Variants in MED13L observed in about 807,000 individuals in gnomAD.
MED13L encodes mediator of RNA polymerase II transcription subunit 13-like.
In MED13L, 7 loss-of-function variants were observed where a neutral mutation model predicts 220.9. That is an observed-to-expected ratio of 0.03 (90% confidence interval 0.02 to 0.06). MED13L has a LOEUF of 0.06. Ranked by LOEUF, MED13L falls within the 10% of genes least tolerant of loss-of-function variation. MED13L has a pLI of 1.00. For missense variants in MED13L, 1,965 were observed against 2,760.5 expected (o/e 0.71, Z 6.46); for synonymous variants, 1,011 against 1,015.2 (o/e 1.00, Z 0.08).
chr12:116,009,095 G>T lies in MED13L; in HGVS notation c.1318C>A (p.Arg440=). 2 of 1,614,072 alleles carry T rather than the reference G, an allele frequency of 1.2e-6. No individual in the cohort carries two copies. The highest frequency in any genetic ancestry group is 1.3e-5 in the African/African-American group (1 of 75,016). ...CCTGGTTGAGATACTGTGGGAGGTC[G>T]ATTGGGCCCGACTGCACAACGTTTT... ...LLKRCAVGPN[R]PPTVSQPGFS... Residue 440 remains arginine, a synonymous_variant, in exon 10 of 31, where the codon CGA becomes AGA. Transcript: ENST00000281928.
At chr12:116,111,316 A>G in intron 3 of MED13L, 112 bp downstream of exon 3, 1 of 819,938 alleles carries the variant, frequency 1.2e-6, no homozygotes, top group Non-Finnish European at 2.1e-6. Flanking sequence ...TAATTTTCAT[A>G]CTAGCAATAA....
At chr12:116,117,793 T>C (rs1287736040) in intron 2 of MED13L, among the ~76,000 whole-genome samples, 1 of 152,092 alleles carries the variant, frequency 6.6e-6, no homozygotes, top group Non-Finnish European at 1.5e-5. Context: ...TGTAACAAAA[T>C]ATAAACATCT....
intron 1 of MED13L, among the ~76,000 whole-genome samples, chr12:116,247,863 T>G (rs1871219432): frequency 6.6e-6 from 1 of 152,176 alleles, no homozygotes; most frequent in East Asian, 1.9e-4. Flanking sequence ...GACAATAAGT[T>G]TACTACAATT....
intron 4 of MED13L, among the ~76,000 whole-genome samples, chr12:116,028,596 A>G (rs1012233546): frequency 6.6e-6 from 1 of 152,154 alleles, no homozygotes; most frequent in Non-Finnish European, 1.5e-5. Flanking sequence ...CAACATCAAC[A>G]TAAATCAGAC....
chr12:116,004,404 T>G (rs933159909), intron 13 of MED13L, among the ~76,000 whole-genome samples: 2 of 152,118 alleles, frequency 1.3e-5, no homozygotes, highest in African/African-American at 4.8e-5. Context: ...GGCCACTGTA[T>G]AAATTCAGAT....
intron 7 of MED13L, among the ~76,000 whole-genome samples, chr12:116,016,400 T>A (rs771891071): frequency 2.0e-5 from 3 of 152,194 alleles, no homozygotes; most frequent in Non-Finnish European, 4.4e-5. Flanking sequence ...AAATTTGAAC[T>A]TTGCTACATT....
intron 2 of MED13L, among the ~76,000 whole-genome samples, chr12:116,112,991 TA>T (rs1593058523): frequency 6.6e-6 from 1 of 152,258 alleles, no homozygotes; most frequent in East Asian, 1.9e-4. Context: ...ACATCATTCC[TA>T]TCACTTACAA....
intron 23 of MED13L, among the ~76,000 whole-genome samples, chr12:115,978,645 A>G (rs1877121748): frequency 6.6e-6 from 1 of 152,182 alleles, no homozygotes; most frequent in Admixed American, 6.5e-5. Flanking sequence ...AAAATTTTTA[A>G]AAAGAATTTC....
intron 23 of MED13L, among the ~76,000 whole-genome samples, chr12:115,979,275 T>G (rs1382436063): frequency 1.3e-5 from 2 of 152,234 alleles, no homozygotes; most frequent in African/African-American, 4.8e-5. Context: ...AATCTAAACC[T>G]CACTTTATCT....
chr12:116,055,331 A>G (rs1269578290), intron 4 of MED13L, among the ~76,000 whole-genome samples: 1 of 152,252 alleles, frequency 6.6e-6, no homozygotes, highest in Non-Finnish European at 1.5e-5. Flanking sequence ...TTAAAAAATA[A>G]TTCCAATAGA....
intron 4 of MED13L, among the ~76,000 whole-genome samples, chr12:116,078,042 G>A (rs1870939504): frequency 6.6e-6 from 1 of 151,338 alleles, no homozygotes; most frequent in Non-Finnish European, 1.5e-5. Flanking sequence ...TACTCGGGAG[G>A]CTGAGGCACA....
At position 116,233,601 on chromosome 12, in the gene MED13L, T is replaced by C. The variant is rs559689753; in HGVS notation, c.310+3867A>G. On this transcript the variant is annotated intron_variant, in intron 2 of 30. Transcript: ENST00000281928. Reference sequence around the variant, plus strand: ...ACAATTCATTCGCAGCCTGTAGGTCTTTGCACAGTAGCAGTAGCAATAGTT... The same window carrying C: ...ACAATTCATTCGCAGCCTGTAGGTCCTTGCACAGTAGCAGTAGCAATAGTT... 3.3e-5 allele frequency among the ~76,000 whole-genome samples: 5 copies of C among 152,342 alleles called. No individual in the cohort carries two copies. The South Asian group carries it at 1.0e-3, about 32-fold the overall frequency.
chr12:116,096,056 A>C (rs2392968), intron 4 of MED13L, among the ~76,000 whole-genome samples: 23,099 of 152,030 alleles, frequency 0.15, 1,973 homozygotes, highest in Middle Eastern at 0.21. Flanking sequence ...CAACACTTTT[A>C]AAAAATCAAT....
intron 3 of MED13L, among the ~76,000 whole-genome samples, chr12:116,106,698 T>C (rs915862453): frequency 6.6e-6 from 1 of 151,780 alleles, no homozygotes; most frequent in Admixed American, 6.6e-5. Flanking sequence ...ATACAAAAAT[T>C]AGCCAGGTGT....
chr12:116,185,295 C>A (rs1183201592), intron 2 of MED13L, among the ~76,000 whole-genome samples: 1 of 151,384 alleles, frequency 6.6e-6, no homozygotes, highest in African/African-American at 2.4e-5. Flanking sequence ...AAAATATATA[C>A]TAATTAGAAT....
chr12:116,192,845 G>A (rs1305051583), intron 2 of MED13L, among the ~76,000 whole-genome samples: 1 of 152,032 alleles, frequency 6.6e-6, no homozygotes, highest in East Asian at 1.9e-4. Flanking sequence ...AAATCAGGCA[G>A]GCATGGGCCG....
At chr12:116,156,763 C>G (rs549198944) in intron 2 of MED13L, among the ~76,000 whole-genome samples, 1 of 152,174 alleles carries the variant, frequency 6.6e-6, no homozygotes, top group Non-Finnish European at 1.5e-5. Flanking sequence ...CTTATCAGCC[C>G]TCCCTCCTAA....
intron 4 of MED13L, among the ~76,000 whole-genome samples, chr12:116,023,638 G>C (rs1301475511): frequency 6.6e-6 from 1 of 152,096 alleles, no homozygotes; most frequent in Non-Finnish European, 1.5e-5. Flanking sequence ...ATCACATAGT[G>C]ACACATATAT....
At chr12:116,153,781 G>C (rs1269846628) in intron 2 of MED13L, among the ~76,000 whole-genome samples, 3 of 152,106 alleles carry the variant, frequency 2.0e-5, no homozygotes, top group African/African-American at 7.2e-5. Context: ...TATGCAAATA[G>C]TATATCTGGT....
Sources: allele counts gnomAD v4.1 joint callset (sites outside exome capture counted in the v4.1 genomes callset), GRCh38; gene constraint gnomAD v4.1.1; transcripts MANE v1.5; gene names NCBI Gene and HGNC (gene_info 2026-07-23, HGNC 2026-07-21).